CA10: variants seen among roughly 807,000 people sequenced by gnomAD.
CA10 encodes carbonic anhydrase 10 (inactive).
Under a neutral mutation model 44.2 loss-of-function variants are expected in CA10, and 14 were observed. The observed-to-expected ratio is 0.32, with a 90% CI of 0.21 to 0.50. The LOEUF (loss-of-function observed/expected upper bound fraction) is 0.50, where lower values mean the gene tolerates loss of function less well. CA10 is among the 20% of genes least tolerant of loss of function. The pLI, the probability that CA10 is intolerant of heterozygous loss-of-function variation, is 0.99. For synonymous variants in CA10, 159 were observed against 141.6 expected (o/e 1.12, Z -0.87); for missense variants, 350 against 409.7 (o/e 0.85, Z 1.26).
chr17:52,029,898 T>C (rs1986413871), intron 2 of CA10, among the ~76,000 whole-genome samples: 1 of 152,246 alleles, frequency 6.6e-6, no homozygotes, highest in East Asian at 1.9e-4. Flanking sequence ...TATTGTATTA[T>C]AATACATATG....
chr17:52,044,697 C>T (rs925254458), intron 2 of CA10, among the ~76,000 whole-genome samples: 2 of 152,076 alleles, frequency 1.3e-5, no homozygotes, highest in Non-Finnish European at 2.9e-5. Flanking sequence ...AAAAAATATA[C>T]TTCATGAGAT....
chr17:51,650,196 A>G (rs1458944428), intron 5 of CA10, among the ~76,000 whole-genome samples: 1 of 152,278 alleles, frequency 6.6e-6, no homozygotes, highest in East Asian at 1.9e-4. Context: ...GTGGCCCTAC[A>G]TAAGAAAAGG....
intron 3 of CA10, among the ~76,000 whole-genome samples, chr17:51,847,853 G>A (rs1433985733): frequency 6.6e-6 from 1 of 152,166 alleles, no homozygotes; most frequent in East Asian, 1.9e-4. Context: ...TGTGTCCTGA[G>A]ACTTGTCTCC....
intron 1 of CA10, among the ~76,000 whole-genome samples, chr17:52,120,475 CTT>C (rs977684405): frequency 1.0e-4 from 14 of 137,318 alleles, no homozygotes; most frequent in Non-Finnish European, 4.7e-5. Flanking sequence ...TATCCTTATC[CTT>C]ATCTTTAACC....
At chr17:51,780,189 TCTTCC>T in intron 3 of CA10, among the ~76,000 whole-genome samples, 2 of 152,354 alleles carry the variant, frequency 1.3e-5, no homozygotes, top group Admixed American at 6.5e-5. Flanking sequence ...GACTTAGATG[TCTTCC>T]TGACTGTATT....
intron 3 of CA10, among the ~76,000 whole-genome samples, chr17:51,764,216 G>A (rs1351435626): frequency 1.3e-5 from 2 of 152,202 alleles, no homozygotes; most frequent in East Asian, 3.9e-4. Flanking sequence ...TGGCACAACA[G>A]GCCCTTCACA....
intron 3 of CA10, among the ~76,000 whole-genome samples, chr17:51,794,774 A>G (rs956015115): frequency 6.6e-6 from 1 of 152,222 alleles, no homozygotes; most frequent in Admixed American, 6.5e-5. Context: ...ATTAAAAACT[A>G]AAGAGTACAA....
At chr17:51,964,840 G>A (rs1984022714) in intron 2 of CA10, among the ~76,000 whole-genome samples, 1 of 151,732 alleles carries the variant, frequency 6.6e-6, no homozygotes, top group Admixed American at 6.6e-5. Flanking sequence ...TGTACCTAGA[G>A]AAACCTGAAA....
intron 2 of CA10, among the ~76,000 whole-genome samples, chr17:51,988,383 T>C (rs965504850): frequency 6.6e-6 from 1 of 151,912 alleles, no homozygotes; most frequent in Non-Finnish European, 1.5e-5. Flanking sequence ...GAGAGGATGG[T>C]TTCCAGAATG....
At chr17:51,862,509 G>T (rs962044068) in intron 3 of CA10, among the ~76,000 whole-genome samples, 1 of 151,850 alleles carries the variant, frequency 6.6e-6, no homozygotes, top group Non-Finnish European at 1.5e-5. Context: ...ATGCCTTACA[G>T]TAATCATATT....
At chr17:52,111,411 G>T (rs563504127) in intron 1 of CA10, among the ~76,000 whole-genome samples, 1 of 152,286 alleles carries the variant, frequency 6.6e-6, no homozygotes, top group Admixed American at 6.5e-5. Context: ...AGTGACAGGT[G>T]CACTTTTAAA....
At chr17:51,727,097 G>A (rs78707515) in intron 4 of CA10, among the ~76,000 whole-genome samples, 29,263 of 152,080 alleles carry the variant, frequency 0.19, 3,113 homozygotes, top group East Asian at 0.3. Flanking sequence ...TCTCCCTGTT[G>A]CCTCCACACC....
At position 52,082,475 on chromosome 17, in the gene CA10, A is replaced by G. The variant is rs1350330540; in HGVS notation, c.62-10082T>C. Reference sequence around the variant, plus strand: ...TACTAGTTATTTTAGTAGCTATGCCATAATTTACCAATTATTCCTTCCCTA... The same window carrying G: ...TACTAGTTATTTTAGTAGCTATGCCGTAATTTACCAATTATTCCTTCCCTA... On this transcript the variant is annotated intron_variant, in intron 1 of 8. Transcript: ENST00000451037. Among the ~76,000 whole-genome samples the G allele has an allele frequency of 2.0e-5, 3 of 152,328 alleles. No individual in the cohort carries two copies. In the East Asian group the frequency reaches 5.8e-4, roughly 29 times the overall value.
At chr17:52,044,813 C>G (rs1045527054) in intron 2 of CA10, among the ~76,000 whole-genome samples, 2 of 150,932 alleles carry the variant, frequency 1.3e-5, no homozygotes, top group African/African-American at 4.8e-5. Context: ...TGAACAGAAC[C>G]TCAACAACTT....
At chr17:51,667,353 T>TA (rs1232485885) in intron 4 of CA10, among the ~76,000 whole-genome samples, 2 of 152,154 alleles carry the variant, frequency 1.3e-5, no homozygotes, top group African/African-American at 2.4e-5. Context: ...TTGCAGGGCC[T>TA]TTAGAACCTT....
intron 4 of CA10, among the ~76,000 whole-genome samples, chr17:51,677,575 A>G (rs1914669292): frequency 6.6e-6 from 1 of 152,180 alleles, no homozygotes; most frequent in Non-Finnish European, 1.5e-5. Flanking sequence ...GCGAGAATGA[A>G]CTAATAGAAG....
At chr17:51,966,348 G>GA (rs1433964154) in intron 2 of CA10, among the ~76,000 whole-genome samples, 3 of 151,682 alleles carry the variant, frequency 2.0e-5, no homozygotes, top group Non-Finnish European at 4.4e-5. Context: ...CACAGAACCA[G>GA]AAAAAACAAT....
At chr17:52,110,569 G>A (rs1598219942) in intron 1 of CA10, among the ~76,000 whole-genome samples, 2 of 152,154 alleles carry the variant, frequency 1.3e-5, no homozygotes, top group African/African-American at 4.8e-5. Context: ...GGGTGTCTGC[G>A]ATTTACCTGA....
chr17:51,738,005 T>G (rs1173664866), intron 4 of CA10, among the ~76,000 whole-genome samples: 1 of 152,206 alleles, frequency 6.6e-6, no homozygotes, highest in East Asian at 1.9e-4. Context: ...CAACCAATTC[T>G]GAATATGAGC....
Sources: gnomAD v4.1 joint callset for allele counts (sites outside exome capture counted in the v4.1 genomes callset) on GRCh38, gnomAD v4.1.1 for gene constraint, MANE v1.5 for transcripts, NCBI Gene and HGNC (gene_info 2026-07-23, HGNC 2026-07-21) for gene names.